The following LHX6 variants were observed in gnomAD, a reference collection of about 807,000 sequenced individuals.
LHX6 encodes LIM homeobox 6.
LHX6 carries 15 observed loss-of-function variants against 47.1 expected under a neutral mutation model. The observed-to-expected ratio is 0.32, with a 90% CI of 0.21 to 0.49. The LOEUF (loss-of-function observed/expected upper bound fraction) is 0.49. LHX6 is among the 20% of genes least tolerant of loss of function. The probability of loss-of-function intolerance (pLI) is 0.99; values close to 1 mark genes in which losing one functional copy is unlikely to be tolerated. For missense variants in LHX6, 404 were observed against 539.6 expected, an observed-to-expected ratio of 0.75 and a Z score of 2.49; for synonymous variants, 242 against 233.5, an observed-to-expected ratio of 1.04 and a Z score of -0.33.
chr9:122,214,920 G>T lies in LHX6; in HGVS notation c.683-537C>A, dbSNP rs994722150. Among the ~76,000 whole-genome samples, 1 of 152,230 alleles carries T rather than the reference G, an allele frequency of 6.6e-6. No homozygotes were observed. The highest frequency in any genetic ancestry group is 1.5e-5 in the Non-Finnish European group (1 of 68,042). On this transcript the variant is annotated intron_variant, in intron 5 of 9. Coordinates refer to ENST00000394319, the MANE Select transcript of LHX6 (RefSeq NM_014368.5). This position sits in a 1 kb window ranked among gnomAD's most constrained non-coding sequence, Gnocchi z 4.6. Reference sequence around the variant, plus strand: ...TGATTATGGAAACTTTTTACTTTCAGTATTCCTGTAACTTTTGAGGTATTT... The same window carrying T: ...TGATTATGGAAACTTTTTACTTTCATTATTCCTGTAACTTTTGAGGTATTT...
Position 122,213,860 on chromosome 9 carries a change from T to C in LHX6, c.880-80A>G. 6.6e-7 allele frequency: 1 copy of C among 1,522,954 alleles called. No homozygotes were observed. The highest frequency in any genetic ancestry group is 2.0e-5 in the Admixed American group (1 of 51,258). 94.3% of individuals were successfully genotyped at this position (1,522,954 alleles called of 1,614,324 possible). A position where few individuals can be genotyped will look rare whatever the true frequency, so the allele number is the denominator to read the frequency against. On this transcript the variant is annotated intron_variant, in intron 7 of 9. Transcript: ENST00000394319. The surrounding 1 kb of genome is among the most constrained non-coding windows in gnomAD (Gnocchi z 5.5). ...CCGGGAGACCCCAGGCGGGACTGCC[T>C]CGTCGCCTCCTGGAGAAGGATGGCC...
At position 122,204,636 on chromosome 9, in the gene LHX6, AGGATGGCGGACGGGGGT is replaced by A; in HGVS notation, c.*107_*123del. On this transcript the variant is annotated 3_prime_UTR_variant, in exon 10 of 10. Transcript: ENST00000394319. ...CTCGGGAACCGACCTGGTGGTGGGC[AGGATGGCGGACGGGGGT>A]GGATGCGGAGGTGGGTGGACTCCTG... 1 of 1,194,998 alleles carries A rather than the reference AGGATGGCGGACGGGGGT, an allele frequency of 8.4e-7. No homozygotes were observed. Among genetic ancestry groups the A allele is most frequent in the Non-Finnish European group, 1.2e-6 (1 of 848,978 alleles). 74.0% of individuals were successfully genotyped at this position (1,194,998 alleles called of 1,614,324 possible). A position where few individuals can be genotyped will look rare whatever the true frequency, so the allele number is the denominator to read the frequency against.
rs779243295 is a variant in LHX6, at chr9:122,214,076, G to A, written c.784-7C>T. 2.5e-6 allele frequency: 4 copies of A among 1,597,810 alleles called. No individual in the cohort carries two copies. In the East Asian group the frequency reaches 8.9e-5, roughly 36 times the overall value. On this transcript the variant is annotated splice_region_variant and splice_polypyrimidine_tract_variant and intron_variant, in intron 6 of 9. Coordinates refer to ENST00000394319, the MANE Select transcript of LHX6 (RefSeq NM_014368.5). This position sits in a 1 kb window ranked among gnomAD's most constrained non-coding sequence, Gnocchi z 4.6. The stretch of plus-strand genomic sequence containing the variant: ...CGAACTGCGCCTGCATAACCTGCGG[G>A]GCGGGGAGGGCGGTGAGGCGCTCGC...
At chr9:122,227,292 G>A in intron 2 of LHX6, 117 bp downstream of exon 2, 3 of 1,102,234 alleles carry the variant, frequency 2.7e-6, no homozygotes, top group East Asian at 3.0e-5. Flanking sequence ...GAGGGGCGGC[G>A]CCCGCCGGGA....
rs888398808 is a variant in LHX6 at position 122,215,825 on chromosome 9, C to A, written c.682+1243G>T. Reference sequence around the variant, plus strand: ...TTGCGGTCCCTGACTAGTCTCCAGGCTGGGACCTAGAAGTTGAGGCAGGGT... The same window carrying A: ...TTGCGGTCCCTGACTAGTCTCCAGGATGGGACCTAGAAGTTGAGGCAGGGT... On this transcript the variant is annotated intron_variant, in intron 5 of 9. Coordinates refer to ENST00000394319, the MANE Select transcript of LHX6 (RefSeq NM_014368.5). 3.9e-5 allele frequency among the ~76,000 whole-genome samples: 6 copies of A among 152,188 alleles called. No individual in the cohort carries two copies. In the South Asian group the frequency reaches 6.2e-4, roughly 16 times the overall value.
Position 122,228,882 on chromosome 9 carries a change from A to AGCCCCC in LHX6, c.-148_-143dup. The AGCCCCC allele has an allele frequency of 2.7e-6, 1 of 376,574 alleles. No individual in the cohort carries two copies. Among genetic ancestry groups the AGCCCCC allele is most frequent in the Non-Finnish European group, 4.0e-6 (1 of 248,158 alleles). The allele number at this position is 376,574 out of a possible 1,614,324, so 23.3% of individuals were successfully genotyped here. A position where few individuals can be genotyped will look rare whatever the true frequency, so the allele number is the denominator to read the frequency against. On this transcript the variant is annotated 5_prime_UTR_variant, in exon 1 of 10. Transcript: ENST00000394319. Reference sequence around the variant, plus strand: ...GCCCCGCCGCCCCGGGCCCGGCCTCAGCCCCCGCCCCCGGCCCGCGCGCAG... The same window carrying AGCCCCC: ...GCCCCGCCGCCCCGGGCCCGGCCTCAGCCCCCGCCCCCGCCCCCGGCCCGCGCGCAG...
rs1454586461 is a variant in LHX6, at chr9:122,204,028, A to G, written c.*732T>C. On this transcript the variant is annotated 3_prime_UTR_variant, in exon 10 of 10. Coordinates refer to ENST00000394319, the MANE Select transcript of LHX6 (RefSeq NM_014368.5). The stretch of plus-strand genomic sequence containing the variant: ...AGAGTTTTCTCTTTCCTCTCCTTAA[A>G]ATGGCTAGTGCCTCTTCTGGTCCAA... The G allele has an allele frequency of 6.6e-6, 1 of 152,134 alleles. No individual in the cohort carries two copies. The highest frequency in any genetic ancestry group is 1.5e-5 in the Non-Finnish European group (1 of 68,036). The allele number at this position is 152,134 out of a possible 1,614,324, so 9.4% of individuals were successfully genotyped here. A position where few individuals can be genotyped will look rare whatever the true frequency, so the allele number is the denominator to read the frequency against.
At chr9:122,215,418 A>G (rs1352653296) in intron 5 of LHX6, among the ~76,000 whole-genome samples, 1 of 152,206 alleles carries the variant, frequency 6.6e-6, no homozygotes, top group Admixed American at 6.5e-5. Flanking sequence ...ACAGTAGCCA[A>G]TACTGAGGGC....
Position 122,204,267 on chromosome 9 carries a change from A to G in LHX6, c.*493T>C. 6.1e-6 allele frequency: 1 copy of G among 163,096 alleles called. No homozygotes were observed. Among genetic ancestry groups the G allele is most frequent in the Non-Finnish European group, 1.3e-5 (1 of 75,156 alleles). 10.1% of individuals were successfully genotyped at this position (163,096 alleles called of 1,614,324 possible). The stretch of plus-strand genomic sequence containing the variant: ...ATTAGAACATAGCTTTCCTTTGGGG[A>G]CATCCCACAAACACTGTAGAGTTTT... On this transcript the variant is annotated 3_prime_UTR_variant, in exon 10 of 10. Coordinates refer to ENST00000394319, the MANE Select transcript of LHX6 (RefSeq NM_014368.5).
intron 9 of LHX6, 147 bp downstream of exon 9, chr9:122,209,467 G>C (rs781531171): frequency 1.7e-6 from 2 of 1,199,348 alleles, no homozygotes; most frequent in Non-Finnish European, 2.4e-6. Flanking sequence ...TGACTGCTGT[G>C]GGGGTGCGGT....
intron 1 of LHX6, chr9:122,227,935 G>C: frequency 2.9e-6 from 1 of 340,202 alleles, no homozygotes; most frequent in Non-Finnish European, 5.3e-6. Context: ...ATTAAAAATC[G>C]AATTTTTTCT....
At chr9:122,209,529 C>T in intron 9 of LHX6, 85 bp downstream of exon 9, 1 of 1,587,666 alleles carries the variant, frequency 6.3e-7, no homozygotes, top group Non-Finnish European at 8.6e-7. Context: ...CAGCATGGTA[C>T]CAAATGGTTA....
At chr9:122,216,757 G>C (rs569961203) in intron 5 of LHX6, among the ~76,000 whole-genome samples, 51 of 152,290 alleles carry the variant, frequency 3.3e-4, no homozygotes, top group Non-Finnish European at 6.0e-4. Context: ...CATCTCTAGG[G>C]TTCACTGAGT....
chr9:122,221,815 C>T (rs2118895132), intron 4 of LHX6: 2 of 660,144 alleles, frequency 3.0e-6, no homozygotes, highest in Non-Finnish European at 3.8e-6. Context: ...CCACGATGCA[C>T]AGACGGGTGG....
intron 9 of LHX6, among the ~76,000 whole-genome samples, chr9:122,207,991 TC>T (rs1454185508): frequency 6.6e-6 from 1 of 151,914 alleles, no homozygotes; most frequent in Non-Finnish European, 1.5e-5. Flanking sequence ...TCTGACCCTC[TC>T]CCTCCGAGGG....
At chr9:122,224,970 C>T (rs1831031927) in intron 4 of LHX6, among the ~76,000 whole-genome samples, 1 of 152,180 alleles carries the variant, frequency 6.6e-6, no homozygotes, top group African/African-American at 2.4e-5. Flanking sequence ...CACTCTTCTA[C>T]ATCCATCCCA....
chr9:122,209,915 G>T (rs944857305), intron 8 of LHX6, among the ~76,000 whole-genome samples, 198 bp from the exon 9 acceptor site: 4 of 151,274 alleles, frequency 2.6e-5, no homozygotes, highest in Non-Finnish European at 4.4e-5. Flanking sequence ...TCACCTTGTC[G>T]CCCAGGCTGG....
Position 122,204,191 on chromosome 9 carries a change from TC to T in LHX6, c.*568del, listed in dbSNP as rs1830084243. 6.5e-6 allele frequency: 1 copy of T among 152,926 alleles called. No homozygotes were observed. The highest frequency in any genetic ancestry group is 2.1e-4 in the South Asian group (1 of 4,838). The allele number at this position is 152,926 out of a possible 1,614,324, so 9.5% of individuals were successfully genotyped here. On this transcript the variant is annotated 3_prime_UTR_variant, in exon 10 of 10. Coordinates refer to ENST00000394319, the MANE Select transcript of LHX6 (RefSeq NM_014368.5). ...AGGCCTCTCAGGGTTGGTCACTGTC[TC>T]TTCTCTTTCTGAATTAACTTGACAT... is the stretch of plus-strand genomic sequence containing the variant.
chr9:122,219,775 C>A (rs1244064520), intron 4 of LHX6, among the ~76,000 whole-genome samples: 1 of 152,160 alleles, frequency 6.6e-6, no homozygotes, highest in Non-Finnish European at 1.5e-5. Context: ...GGGTTGAGAC[C>A]CCCTCCAAGG....
Sources: gnomAD v4.1 joint callset for allele counts (sites outside exome capture counted in the v4.1 genomes callset) on GRCh38, gnomAD v4.1.1 for gene constraint, Gnocchi (gnomAD v3.1) non-coding constraint, MANE v1.5 for transcripts, NCBI Gene and HGNC (gene_info 2026-07-23, HGNC 2026-07-21) for gene names.